NCKAP5: variants seen among roughly 807,000 people sequenced by gnomAD.
The protein encoded by NCKAP5 is NCK associated protein 5, also known as nck-associated protein 5.
In NCKAP5, 92 loss-of-function variants were observed where a neutral mutation model predicts 167.0. That is an observed-to-expected ratio of 0.55 (90% CI 0.47 to 0.66). The LOEUF is 0.66. Among genes scored for constraint, NCKAP5 ranks in the 30% least tolerant of loss-of-function variants. The probability of loss-of-function intolerance (pLI) is 0.00; values close to 1 mark genes in which losing one functional copy is unlikely to be tolerated. For synonymous variants in NCKAP5, 891 were observed against 877.4 expected, an observed-to-expected ratio of 1.02 and a Z score of -0.27; for missense variants, 2,378 against 2,315.0, an observed-to-expected ratio of 1.03 and a Z score of -0.56.
intron 11 of NCKAP5, among the ~76,000 whole-genome samples, chr2:132,815,096 G>T (rs1294570132): frequency 6.6e-6 from 1 of 152,078 alleles, no homozygotes; most frequent in Non-Finnish European, 1.5e-5. Flanking sequence ...AAATTATTCC[G>T]TCTTCTCAAA....
At chr2:133,505,385 A>G (rs1682912912) in intron 3 of NCKAP5, among the ~76,000 whole-genome samples, 2 of 152,128 alleles carry the variant, frequency 1.3e-5, no homozygotes, top group Non-Finnish European at 2.9e-5. Flanking sequence ...ATATATATAT[A>G]TGTAAACCAA....
intron 5 of NCKAP5, among the ~76,000 whole-genome samples, chr2:133,203,218 G>T (rs1202446942): frequency 6.6e-6 from 1 of 152,080 alleles, no homozygotes; most frequent in Admixed American, 6.6e-5. Flanking sequence ...CCATAAAAAA[G>T]GATGAGTTCA....
the NCKAP5 span, among the ~76,000 whole-genome samples, chr2:133,575,928 C>T: frequency 1.3e-5 from 2 of 152,234 alleles, no homozygotes; most frequent in African/African-American, 4.8e-5. Flanking sequence ...GCCACTCTCA[C>T]TCCAAGCCAG....
chr2:132,881,475 T>G (rs1432102643), intron 8 of NCKAP5, among the ~76,000 whole-genome samples: 2 of 152,036 alleles, frequency 1.3e-5, no homozygotes, highest in Non-Finnish European at 2.9e-5. Context: ...GCACCCGGCC[T>G]GGAATAGTTT....
chr2:133,565,125 G>C (rs1163591151), intron 1 of NCKAP5, among the ~76,000 whole-genome samples: 1 of 152,158 alleles, frequency 6.6e-6, no homozygotes, highest in East Asian at 1.9e-4. Flanking sequence ...AGGTGCTGCA[G>C]GAGTACAAAG....
At chr2:132,932,061 C>T (rs1333562423) in intron 8 of NCKAP5, among the ~76,000 whole-genome samples, 1 of 152,210 alleles carries the variant, frequency 6.6e-6, no homozygotes, top group Non-Finnish European at 1.5e-5. Flanking sequence ...TCAGTTCCCA[C>T]TCAGGGCGCT....
At chr2:133,584,995 A>AAGGAAGGAAGGG in the NCKAP5 span, among the ~76,000 whole-genome samples, 10 of 150,388 alleles carry the variant, frequency 6.6e-5, no homozygotes, top group East Asian at 1.9e-4. Flanking sequence ...GGAAGGAAGG[A>AAGGAAGGAAGGG]GGGAAAGAAA....
chr2:132,928,796 A>G (rs941352621), intron 8 of NCKAP5, among the ~76,000 whole-genome samples: 4 of 152,090 alleles, frequency 2.6e-5, no homozygotes, highest in Non-Finnish European at 5.9e-5. Context: ...TTGGGTATGA[A>G]TTTCAATGTC....
In NCKAP5 at chr2:133,299,078, G is replaced by A. The variant is rs1248634566; in HGVS notation, c.143+3959C>T. 4.0e-5 allele frequency among the ~76,000 whole-genome samples: 6 copies of A among 151,820 alleles called. No homozygotes were observed. In the East Asian group the frequency reaches 1.2e-3, roughly 29 times the overall value. ...AATAAATAAATAAAAATTAACTGGT[G>A]TGTCCATTAGGGTCGAACAGACTTC... On this transcript the variant is annotated intron_variant, in intron 4 of 19. Coordinates refer to ENST00000409261, the MANE Select transcript of NCKAP5 (RefSeq NM_207363.3).
At chr2:132,968,557 A>G (rs1396991761) in intron 7 of NCKAP5, among the ~76,000 whole-genome samples, 1 of 152,212 alleles carries the variant, frequency 6.6e-6, no homozygotes, top group East Asian at 1.9e-4. Flanking sequence ...TAAAGTTCTA[A>G]GAATTCAATT....
At chr2:133,358,744 G>A (rs944633635) in intron 3 of NCKAP5, among the ~76,000 whole-genome samples, 2 of 152,140 alleles carry the variant, frequency 1.3e-5, no homozygotes, top group Non-Finnish European at 2.9e-5. Flanking sequence ...GAATTATAGA[G>A]TAGTAACACT....
Position 132,782,151 on chromosome 2 carries a change from CT to C in NCKAP5, c.4659del (p.Glu1554ArgfsTer45). On this transcript the variant is annotated frameshift_variant, in exon 14 of 20. Transcript: ENST00000409261. LOFTEE classifies it high-confidence loss of function. ...CACTGTAGTTCAGGCTTCTTTTTCT[CT>C]TTTTTTCTTTCTGATTTTAGTTGTC... is the stretch of plus-strand genomic sequence containing the variant. ...GNRQLKSERKKEKKKPELQCE... is the reference protein window; with the variant it reads ...GNRQLKSERKXEKKKPELQCE... 6.2e-7 allele frequency: 1 copy of C among 1,609,246 alleles called. No individual in the cohort carries two copies. The highest frequency in any genetic ancestry group is 8.5e-7 in the Non-Finnish European group (1 of 1,178,932).
At chr2:133,271,759 G>A (rs1208156294) in intron 4 of NCKAP5, among the ~76,000 whole-genome samples, 1 of 152,136 alleles carries the variant, frequency 6.6e-6, no homozygotes, top group Admixed American at 6.5e-5. Flanking sequence ...ATTCAAATAA[G>A]ACTGGTATTA....
At chr2:133,545,104 G>T (rs1686544904) in intron 2 of NCKAP5, among the ~76,000 whole-genome samples, 1 of 152,224 alleles carries the variant, frequency 6.6e-6, no homozygotes, top group Non-Finnish European at 1.5e-5. Flanking sequence ...CAGGCACTGG[G>T]AGGGACACTC....
chr2:133,207,556 G>C (rs2086009098), intron 5 of NCKAP5, among the ~76,000 whole-genome samples: 3 of 151,994 alleles, frequency 2.0e-5, no homozygotes, highest in East Asian at 3.9e-4. Context: ...AAAAATTGCT[G>C]ATTCTAAGAC....
At chr2:132,780,603 G>A (rs1430613825) in intron 15 of NCKAP5, among the ~76,000 whole-genome samples, 1 of 152,142 alleles carries the variant, frequency 6.6e-6, no homozygotes, top group East Asian at 1.9e-4. Context: ...CATAAAACAT[G>A]AACAATGCTT....
At chr2:132,786,638 G>A (rs1475343122) in intron 13 of NCKAP5, among the ~76,000 whole-genome samples, 1 of 151,738 alleles carries the variant, frequency 6.6e-6, no homozygotes, top group Non-Finnish European at 1.5e-5. Flanking sequence ...TCATAGTATT[G>A]CTAATAAGAA....
At chr2:132,687,712 A>AACACACACACACACACACAC (rs3069016) in intron 19 of NCKAP5, among the ~76,000 whole-genome samples, 12 of 131,582 alleles carry the variant, frequency 9.1e-5, no homozygotes, top group African/African-American at 2.5e-4. Flanking sequence ...CACCTACCTA[A>AACACACACACACACACACAC]ACACACACAC....
chr2:132,690,786 A>T (rs966634800), intron 19 of NCKAP5, among the ~76,000 whole-genome samples: 2 of 152,136 alleles, frequency 1.3e-5, no homozygotes, highest in Non-Finnish European at 2.9e-5. Context: ...GAGGGGGGGA[A>T]ACAAGGCATT....
Sources: allele counts gnomAD v4.1 joint callset (sites outside exome capture counted in the v4.1 genomes callset), GRCh38; gene constraint gnomAD v4.1.1; transcripts MANE v1.5; gene names NCBI Gene and HGNC (gene_info 2026-07-23, HGNC 2026-07-21).